VWCE: variants seen among roughly 807,000 people sequenced by gnomAD.
The protein encoded by VWCE is von Willebrand factor C and EGF domains.
A neutral mutation model predicts 102.9 loss-of-function variants in VWCE; 68 were observed. That is an observed-to-expected ratio of 0.66 (90% CI 0.54 to 0.81). The LOEUF is 0.81. Ranked by LOEUF, VWCE falls within the 30% of genes least tolerant of loss-of-function variation. VWCE has a pLI of 0.00. For missense variants in VWCE, 1,137 were observed against 1,263.6 expected (o/e 0.90, Z 1.52); for synonymous variants, 497 against 515.4 (o/e 0.96, Z 0.48).
At chr11:61,280,130 C>T (rs1020499924) in intron 9 of VWCE, among the ~76,000 whole-genome samples, 1 of 152,004 alleles carries the variant, frequency 6.6e-6, no homozygotes, top group Non-Finnish European at 1.5e-5. Flanking sequence ...ATCCTTCCAG[C>T]AATGGGAAGC....
intron 1 of VWCE, among the ~76,000 whole-genome samples, chr11:61,293,416 C>CAAAAAAA (rs752077588): frequency 1.6e-5 from 1 of 61,732 alleles, no homozygotes; most frequent in African/African-American, 4.8e-5. Flanking sequence ...GATTCTGTCT[C>CAAAAAAA]AAAAAAAAAA....
Position 61,271,737 on chromosome 11 carries a change from C to T in VWCE, c.1723G>A (p.Val575Ile), listed in dbSNP as rs1377523574. ...CAGATCTGTCCAATCGGAAACTCAACCCCGTTGTCGTCAAGAGAGCAGCCT... is the reference window on the plus strand; with the variant it reads ...CAGATCTGTCCAATCGGAAACTCAATCCCGTTGTCGTCAAGAGAGCAGCCT... ...STGCSLDDNG[V>I]EFPIGQIWSP... Residue 575 changes from valine (V) to isoleucine (I), a missense_variant, in exon 14 of 20, where the codon GTT (valine) becomes ATT (isoleucine). Coordinates refer to ENST00000335613, the MANE Select transcript of VWCE (RefSeq NM_152718.2). The T allele has an allele frequency of 3.7e-6, 6 of 1,613,466 alleles. No homozygotes were observed. Among genetic ancestry groups the T allele is most frequent in the Admixed American group, 1.7e-5 (1 of 59,918 alleles).
At position 61,291,031 on chromosome 11, in the gene VWCE, G is replaced by A; in HGVS notation, c.296-104C>T. 2.0e-6 allele frequency: 3 copies of A among 1,499,384 alleles called. No homozygotes were observed. The South Asian group carries it at 4.0e-5, about 20-fold the overall frequency. 92.9% of individuals were successfully genotyped at this position (1,499,384 alleles called of 1,614,324 possible). On this transcript the variant is annotated intron_variant, in intron 3 of 19. Transcript: ENST00000335613. ...TTCTGTTGGGAGGGTAGCTCTGAAGGCAAACAGGCCTGGGTTTAAATCCAG... is the reference window on the plus strand; with the variant it reads ...TTCTGTTGGGAGGGTAGCTCTGAAGACAAACAGGCCTGGGTTTAAATCCAG...
At chr11:61,272,391 A>G (rs111068639) in intron 13 of VWCE, among the ~76,000 whole-genome samples, 2,724 of 152,258 alleles carry the variant, frequency 0.018, 88 homozygotes, top group African/African-American at 0.062. Context: ...ATACACACAT[A>G]CAGACATGCA....
intron 19 of VWCE, among the ~76,000 whole-genome samples, chr11:61,260,197 G>A (rs1854311307): frequency 6.6e-6 from 1 of 152,216 alleles, no homozygotes. Context: ...AGAGGTTGCA[G>A]TGAGCTGAGA....
In VWCE at chr11:61,290,810, A is replaced by ATGCCAACAGCTGTCTCCGTC; in HGVS notation, c.393_412dup (p.Ile138ArgfsTer17). 1 of 1,610,036 alleles carries ATGCCAACAGCTGTCTCCGTC rather than the reference A, an allele frequency of 6.2e-7. No homozygotes were observed. Among genetic ancestry groups the ATGCCAACAGCTGTCTCCGTC allele is most frequent in the Non-Finnish European group, 8.5e-7 (1 of 1,178,816 alleles). Reference sequence around the variant, plus strand: ...CCCAGGCGTCTCACCTGTACACCTGATGCCAACAGCTGTCTCCGTCATCGA... The same window carrying ATGCCAACAGCTGTCTCCGTC: ...CCCAGGCGTCTCACCTGTACACCTGATGCCAACAGCTGTCTCCGTCTGCCAACAGCTGTCTCCGTCATCGA... On this transcript the variant is annotated frameshift_variant, in exon 4 of 20. Transcript: ENST00000335613. LOFTEE classifies it high-confidence loss of function.
chr11:61,265,102 G>A lies in VWCE; in HGVS notation c.2056+20C>T. 1 of 1,613,032 alleles carries A rather than the reference G, an allele frequency of 6.2e-7. No homozygotes were observed. Among genetic ancestry groups the A allele is most frequent in the Non-Finnish European group, 8.5e-7 (1 of 1,179,432 alleles). ...GGCCTGGCCGGGAACCTGGCACGTG[G>A]GGCAGCTGGTCCCACTCACCTCGGC... On this transcript the variant is annotated intron_variant, in intron 17 of 19. Coordinates refer to ENST00000335613, the MANE Select transcript of VWCE (RefSeq NM_152718.2).
chr11:61,286,185 C>T lies in VWCE; in HGVS notation c.541+129G>A, dbSNP rs1039723400. ...CAGGAACCATAATAGCATCTCCCTC[C>T]GAAGCCGGTGGTGAAGGTTCAATGC... is the stretch of plus-strand genomic sequence containing the variant. On this transcript the variant is annotated intron_variant, in intron 5 of 19. Coordinates refer to ENST00000335613, the MANE Select transcript of VWCE (RefSeq NM_152718.2). The T allele has an allele frequency of 6.1e-5, 56 of 920,854 alleles. No individual in the cohort carries two copies. The Admixed American group carries it at 6.6e-4, about 11-fold the overall frequency. The allele number at this position is 920,854 out of a possible 1,614,324, so 57.0% of individuals were successfully genotyped here.
At chr11:61,264,720 G>A (rs1161071477) in intron 18 of VWCE, 143 bp from the exon 19 acceptor site, 4 of 1,002,552 alleles carry the variant, frequency 4.0e-6, no homozygotes, top group Non-Finnish European at 4.4e-6. Context: ...CCCTCGCCTG[G>A]AGAACAGGTA....
At chr11:61,293,473 G>A (rs761991834) in intron 1 of VWCE, among the ~76,000 whole-genome samples, 1 of 151,224 alleles carries the variant, frequency 6.6e-6, no homozygotes, top group Non-Finnish European at 1.5e-5. Flanking sequence ...GGGAGAGGGT[G>A]TTCTAGCAGG....
Position 61,259,310 on chromosome 11 carries a change from A to G in VWCE, c.2233T>C (p.Ser745Pro), listed in dbSNP as rs1453747795. Residue 745 changes from serine (S) to proline (P), a missense_variant and splice_region_variant, in exon 20 of 20, where the codon TCC becomes CCC. Coordinates refer to ENST00000335613, the MANE Select transcript of VWCE (RefSeq NM_152718.2). ...TGCTTTTCTTCCAGAGGAGACAGGG[A>G]ATCTAGAGAGACGAGGGTGAAACGA... The part of the protein sequence containing the change: ...PGDCCSSCPD[S>P]LSPLEEKQGL... 1.9e-6 allele frequency: 3 copies of G among 1,571,800 alleles called. No individual in the cohort carries two copies. In the Admixed American group the frequency reaches 5.4e-5, roughly 28 times the overall value.
intron 6 of VWCE, chr11:61,282,549 C>T (rs1211254344): frequency 1.1e-5 from 5 of 466,432 alleles, no homozygotes; most frequent in African/African-American, 7.9e-5. Context: ...GGGAGAGGAG[C>T]GGAAGAGAAA....
rs1855597306 is a variant in VWCE at position 61,294,034 on chromosome 11, A to G, written c.110+894T>C. 6.6e-6 allele frequency among the ~76,000 whole-genome samples: 1 copy of G among 152,190 alleles called. No individual in the cohort carries two copies. The highest frequency in any genetic ancestry group is 2.4e-5 in the African/African-American group (1 of 41,450). ...CAGAAACGGACAGGCAGTGCCACCA[A>G]GGCGGCAGATAAAAGGGTGCCCAGG... On this transcript the variant is annotated intron_variant, in intron 1 of 19. Transcript: ENST00000335613. This position sits in a 1 kb window ranked among gnomAD's most constrained non-coding sequence, Gnocchi z 6.3.
At chr11:61,284,266 A>C (rs1162394940) in intron 5 of VWCE, among the ~76,000 whole-genome samples, 1 of 152,186 alleles carries the variant, frequency 6.6e-6, no homozygotes, top group East Asian at 1.9e-4. Context: ...AGCAAGTAAC[A>C]ATTTCCTTAA....
rs756666893 is a variant in VWCE at position 61,281,141 on chromosome 11, AGGCC to A, written c.878_881del (p.Arg293LeufsTer71). On this transcript the variant is annotated frameshift_variant, in exon 8 of 20. Coordinates refer to ENST00000335613, the MANE Select transcript of VWCE (RefSeq NM_152718.2). LOFTEE classifies it high-confidence loss of function. ...GAGGGCTATGTCCTGGGGACAGGGC[AGGCC>A]GGCCGGCCTCAGGAAGCAACAGAAG... is the stretch of plus-strand genomic sequence containing the variant. 1.2e-6 allele frequency: 2 copies of A among 1,613,778 alleles called. No homozygotes were observed. The highest frequency in any genetic ancestry group is 1.7e-6 in the Non-Finnish European group (2 of 1,179,976).
chr11:61,283,265 C>T (rs971012460), intron 5 of VWCE, among the ~76,000 whole-genome samples: 9 of 152,170 alleles, frequency 5.9e-5, no homozygotes, highest in East Asian at 3.8e-4. Flanking sequence ...AAAACCTCTC[C>T]GCTGCTCCCA....
Position 61,294,800 on chromosome 11 carries a change from G to C in VWCE, c.110+128C>G. The C allele has an allele frequency of 1.8e-6, 1 of 549,912 alleles. No homozygotes were observed. Among genetic ancestry groups the C allele is most frequent in the Non-Finnish European group, 2.9e-6 (1 of 348,616 alleles). 34.1% of individuals were successfully genotyped at this position (549,912 alleles called of 1,614,324 possible). A position where few individuals can be genotyped will look rare whatever the true frequency, so the allele number is the denominator to read the frequency against. Reference sequence around the variant, plus strand: ...GCCGTCCCCGAGCTGTGCCCGCGCTGATAGCACCCCAGAGGAAGCCCCGAC... The same window carrying C: ...GCCGTCCCCGAGCTGTGCCCGCGCTCATAGCACCCCAGAGGAAGCCCCGAC... On this transcript the variant is annotated intron_variant, in intron 1 of 19. Transcript: ENST00000335613. The surrounding 1 kb of genome is among the most constrained non-coding windows in gnomAD (Gnocchi z 6.3).
In VWCE at chr11:61,264,316, G is replaced by A. The variant is rs7117367; in HGVS notation, c.2230+171C>T. Among the ~76,000 whole-genome samples, 1,434 of 151,804 alleles carry A rather than the reference G, an allele frequency of 9.4e-3. 24 individuals carry two copies. The highest frequency in any genetic ancestry group is 0.033 in the African/African-American group (1,357 of 41,384). ...TCATGGTGTGTGGCATCATGAGCAC[G>A]GGATGAGGGTCAGCAGGCCACAGCA... is the stretch of plus-strand genomic sequence containing the variant. On this transcript the variant is annotated intron_variant, in intron 19 of 19. Coordinates refer to ENST00000335613, the MANE Select transcript of VWCE (RefSeq NM_152718.2).
intron 9 of VWCE, among the ~76,000 whole-genome samples, chr11:61,280,217 G>T (rs564681113): frequency 1.3e-5 from 2 of 152,286 alleles, no homozygotes; most frequent in African/African-American, 4.8e-5. Flanking sequence ...TCCTCCGCCT[G>T]TAGGAGGGTA....
Sources: gnomAD v4.1 joint callset for allele counts (sites outside exome capture counted in the v4.1 genomes callset) on GRCh38, gnomAD v4.1.1 for gene constraint, Gnocchi (gnomAD v3.1) non-coding constraint, MANE v1.5 for transcripts, NCBI Gene and HGNC (gene_info 2026-07-23, HGNC 2026-07-21) for gene names.